The following LDLRAD3 variants were observed in gnomAD, a reference collection of about 807,000 sequenced individuals.
LDLRAD3 encodes low density lipoprotein receptor class A domain containing 3.
LDLRAD3 carries 20 observed loss-of-function variants against 29.4 expected under a neutral mutation model. The observed-to-expected ratio is 0.68, with a 90% CI of 0.48 to 0.99. LDLRAD3 has a LOEUF of 0.99. Among genes scored for constraint, LDLRAD3 ranks in the 50% least tolerant of loss-of-function variants. The pLI is 0.00. For missense variants in LDLRAD3, 420 were observed against 454.3 expected (o/e 0.92, Z 0.69); for synonymous variants, 157 against 192.7 (o/e 0.81, Z 1.53).
At chr11:36,134,155 CA>C (rs1565247781) in intron 4 of LDLRAD3, among the ~76,000 whole-genome samples, 6 of 152,106 alleles carry the variant, frequency 3.9e-5, no homozygotes, top group Admixed American at 3.9e-4. Context: ...TCCTACAAGG[CA>C]AAAATCATAA....
chr11:36,195,815 A>G (rs1391238656), intron 4 of LDLRAD3, among the ~76,000 whole-genome samples: 1 of 152,188 alleles, frequency 6.6e-6, no homozygotes, highest in Non-Finnish European at 1.5e-5. Context: ...CAGGAAAGAC[A>G]GGAGAGCCAG....
intron 4 of LDLRAD3, 147 bp downstream of exon 4, chr11:36,098,608 G>T (rs1247849038): frequency 1.2e-6 from 1 of 847,342 alleles, no homozygotes; most frequent in Non-Finnish European, 1.8e-6. Flanking sequence ...CCCTTGTACA[G>T]GTAGGTACCC....
intron 2 of LDLRAD3, among the ~76,000 whole-genome samples, chr11:36,071,141 G>GCCAAAC (rs1852894971): frequency 6.6e-6 from 1 of 152,174 alleles, no homozygotes; most frequent in Non-Finnish European, 1.5e-5. Context: ...GAGATGGATG[G>GCCAAAC]AGAATAATAG....
At chr11:36,119,558 G>C (rs117080302) in intron 4 of LDLRAD3, among the ~76,000 whole-genome samples, 1 of 151,518 alleles carries the variant, frequency 6.6e-6, no homozygotes, top group Non-Finnish European at 1.5e-5. Flanking sequence ...ATATCTCACT[G>C]TGGTTTTGAT....
chr11:36,025,391 T>C (rs1390422906), intron 1 of LDLRAD3, among the ~76,000 whole-genome samples: 2 of 146,544 alleles, frequency 1.4e-5, no homozygotes, highest in African/African-American at 5.0e-5. Flanking sequence ...GGCTTCAGAT[T>C]TTTTTTTTTT....
intron 3 of LDLRAD3, among the ~76,000 whole-genome samples, chr11:36,087,790 C>T (rs535053810): frequency 6.6e-6 from 1 of 152,122 alleles, no homozygotes; most frequent in South Asian, 2.1e-4. Flanking sequence ...CAGCTCACTG[C>T]AGCCTTGACT....
intron 4 of LDLRAD3, among the ~76,000 whole-genome samples, chr11:36,169,920 G>A (rs1854570430): frequency 6.6e-6 from 1 of 152,158 alleles, no homozygotes; most frequent in East Asian, 1.9e-4. Flanking sequence ...TTGGTTCCAT[G>A]GATAAGTTCT....
At chr11:35,951,317 G>A (rs1851132668) in intron 1 of LDLRAD3, among the ~76,000 whole-genome samples, 1 of 152,028 alleles carries the variant, frequency 6.6e-6, no homozygotes, top group South Asian at 2.1e-4. Flanking sequence ...ATAATTTAAT[G>A]AGCTCCTGCT....
intron 4 of LDLRAD3, among the ~76,000 whole-genome samples, chr11:36,216,144 C>G (rs1403938858): frequency 6.6e-6 from 1 of 152,220 alleles, no homozygotes; most frequent in East Asian, 1.9e-4. Context: ...CTCACTGTAT[C>G]ACGAGAAGAG....
At chr11:36,095,815 G>T (rs1853351960) in intron 3 of LDLRAD3, among the ~76,000 whole-genome samples, 2 of 152,166 alleles carry the variant, frequency 1.3e-5, no homozygotes, top group African/African-American at 4.8e-5. Context: ...CCTTTCCCAG[G>T]CTGTCTGAGT....
intron 3 of LDLRAD3, among the ~76,000 whole-genome samples, chr11:36,083,068 C>T (rs1388992976): frequency 6.6e-6 from 1 of 152,176 alleles, no homozygotes; most frequent in Non-Finnish European, 1.5e-5. Context: ...GAGGAAGGTA[C>T]AGAGATTTTC....
intron 4 of LDLRAD3, among the ~76,000 whole-genome samples, chr11:36,181,109 T>C (rs919008451): frequency 6.6e-6 from 1 of 152,062 alleles, no homozygotes; most frequent in African/African-American, 2.4e-5. Flanking sequence ...GTTAACTTTT[T>C]AACGATCAGA....
At chr11:36,089,092 A>G (rs147769406) in intron 3 of LDLRAD3, among the ~76,000 whole-genome samples, 1 of 152,214 alleles carries the variant, frequency 6.6e-6, no homozygotes, top group Non-Finnish European at 1.5e-5. Context: ...CGACAAACAT[A>G]TACTGAATAA....
intron 4 of LDLRAD3, among the ~76,000 whole-genome samples, chr11:36,220,979 G>A (rs1368239614): frequency 1.3e-5 from 2 of 152,172 alleles, no homozygotes; most frequent in Non-Finnish European, 2.9e-5. Context: ...TTGCAAGGTA[G>A]GAGTTTTTCA....
intron 1 of LDLRAD3, among the ~76,000 whole-genome samples, chr11:36,032,543 C>T (rs1402343496): frequency 1.3e-5 from 2 of 152,188 alleles, no homozygotes; most frequent in Admixed American, 1.3e-4. Context: ...TCAACCTCAG[C>T]ACTATTGACA....
At chr11:35,987,656 T>G (rs750683736) in intron 1 of LDLRAD3, among the ~76,000 whole-genome samples, 2 of 152,310 alleles carry the variant, frequency 1.3e-5, no homozygotes, top group Non-Finnish European at 2.9e-5. Context: ...CTTTATCCCA[T>G]CCATTGTTGA....
intron 4 of LDLRAD3, among the ~76,000 whole-genome samples, chr11:36,111,902 T>C (rs1853611664): frequency 6.6e-6 from 1 of 152,244 alleles, no homozygotes; most frequent in Admixed American, 6.5e-5. Context: ...CGGCCCAGTC[T>C]GGTTCATCTT....
At chr11:36,087,454 G>C (rs1590256353) in intron 3 of LDLRAD3, among the ~76,000 whole-genome samples, 1 of 152,314 alleles carries the variant, frequency 6.6e-6, no homozygotes, top group Non-Finnish European at 1.5e-5. Context: ...AAAATGTTCA[G>C]TGAGTTGATA....
At chr11:36,179,307 C>T (rs1334772815) in intron 4 of LDLRAD3, among the ~76,000 whole-genome samples, 1 of 152,088 alleles carries the variant, frequency 6.6e-6, no homozygotes, top group Admixed American at 6.5e-5. Context: ...AACCCCATCT[C>T]TACTAAAAAT....
Sources: gnomAD v4.1 joint callset for allele counts (sites outside exome capture counted in the v4.1 genomes callset) on GRCh38, gnomAD v4.1.1 for gene constraint, MANE v1.5 for transcripts, NCBI Gene and HGNC (gene_info 2026-07-23, HGNC 2026-07-21) for gene names.